Variants in GPRASP3 observed in about 807,000 individuals in gnomAD.
The protein encoded by GPRASP3 is G protein-coupled receptor associated sorting protein 3.
At chrX:102,722,437 G>T in the GPRASP3 span, among the ~76,000 whole-genome samples, 1 of 112,323 alleles carries the variant, frequency 8.9e-6, no homozygotes, top group African/African-American at 3.2e-5. Flanking sequence ...CACCAACCTG[G>T]AACCTCTCAG....
At chrX:102,748,894 A>G in the GPRASP3 span, 2 of 881,688 alleles carry the variant, frequency 2.3e-6, no homozygotes, top group Admixed American at 3.2e-5. Context: ...TCTTGCTACC[A>G]AGTTTTTCCC....
chrX:102,725,966 G>A, the GPRASP3 span, among the ~76,000 whole-genome samples: 1 of 112,196 alleles, frequency 8.9e-6, no homozygotes, highest in Non-Finnish European at 1.9e-5. Flanking sequence ...TTGGACTCTG[G>A]AAGTGTGATT....
chrX:102,748,750 C>G, the GPRASP3 span: 1 of 297,752 alleles, frequency 3.4e-6, no homozygotes, highest in African/African-American at 2.6e-5. Flanking sequence ...AAGACCATCA[C>G]CTTCAGCAGG....
At chrX:102,733,983 C>T in the GPRASP3 span, among the ~76,000 whole-genome samples, 3 of 107,648 alleles carry the variant, frequency 2.8e-5, no homozygotes, top group East Asian at 2.9e-4. Context: ...CTGGCAGGGG[C>T]GGGGGTTACA....
At chrX:102,731,362 G>A in the GPRASP3 span, among the ~76,000 whole-genome samples, 4 of 112,404 alleles carry the variant, frequency 3.6e-5, no homozygotes, top group African/African-American at 1.3e-4. Context: ...AGTGGCTCAC[G>A]CCTGTAATCC....
At chrX:102,746,450 G>A in the GPRASP3 span, among the ~76,000 whole-genome samples, 3 of 112,700 alleles carry the variant, frequency 2.7e-5, no homozygotes, top group Non-Finnish European at 3.8e-5. Context: ...GCAGGCGCCG[G>A]CGCCCCGCCC....
chrX:102,736,882 G>A, the GPRASP3 span, among the ~76,000 whole-genome samples: 1 of 112,126 alleles, frequency 8.9e-6, no homozygotes, highest in Non-Finnish European at 1.9e-5. Flanking sequence ...AACAGGTAAC[G>A]CAATGCAAAC....
chrX:102,747,039 T>G, the GPRASP3 span, among the ~76,000 whole-genome samples: 2 of 111,879 alleles, frequency 1.8e-5, no homozygotes, highest in African/African-American at 6.5e-5. Flanking sequence ...GAAGGGTCAA[T>G]TTAGAACATT....
At chrX:102,730,307 A>G in the GPRASP3 span, among the ~76,000 whole-genome samples, 1 of 111,749 alleles carries the variant, frequency 8.9e-6, no homozygotes, top group African/African-American at 3.3e-5. Context: ...TCAGGCGGCA[A>G]TGAAAGTGAT....
At chrX:102,739,731 G>A in the GPRASP3 span, among the ~76,000 whole-genome samples, 1 of 111,753 alleles carries the variant, frequency 8.9e-6, no homozygotes, top group Non-Finnish European at 1.9e-5. Context: ...ATGATGAGTT[G>A]TAAGAAACCG....
chrX:102,744,973 G>A, the GPRASP3 span, among the ~76,000 whole-genome samples: 1 of 111,489 alleles, frequency 9.0e-6, no homozygotes, highest in African/African-American at 3.3e-5. Flanking sequence ...ACTCCCCATC[G>A]CTTGGAAGGG....
chrX:102,750,204 A>G, the GPRASP3 span: 3 of 1,204,873 alleles, frequency 2.5e-6, no homozygotes, highest in South Asian at 3.6e-5. Context: ...AAATTGAATT[A>G]CATGTTAAGC....
chrX:102,730,804 A>G, the GPRASP3 span, among the ~76,000 whole-genome samples: 10 of 110,430 alleles, frequency 9.1e-5, no homozygotes, highest in Admixed American at 8.6e-4. Context: ...TTTTATCTGT[A>G]GCTATCTGCT....
At chrX:102,738,149 AT>A in the GPRASP3 span, among the ~76,000 whole-genome samples, 5 of 111,860 alleles carry the variant, frequency 4.5e-5, no homozygotes, top group Non-Finnish European at 9.4e-5. Flanking sequence ...GGAAATTAAA[AT>A]TTTCCCAGTT....
the GPRASP3 span, chrX:102,749,810 G>A: frequency 8.3e-6 from 10 of 1,209,142 alleles, 1 homozygote; most frequent in Admixed American, 8.8e-5. Context: ...AGGAACACTC[G>A]CTCATGCTCA....
the GPRASP3 span, among the ~76,000 whole-genome samples, chrX:102,722,536 C>G: frequency 8.9e-6 from 1 of 112,124 alleles, no homozygotes; most frequent in East Asian, 2.8e-4. Flanking sequence ...TTCAGCCCCT[C>G]TCTTCTCCTT....
the GPRASP3 span, among the ~76,000 whole-genome samples, chrX:102,742,651 C>T: frequency 9.0e-6 from 1 of 111,162 alleles, no homozygotes. Flanking sequence ...CAGGCCTCTG[C>T]AAGTTGTCCT....
the GPRASP3 span, chrX:102,749,809 C>G: frequency 1.7e-6 from 2 of 1,210,888 alleles, no homozygotes; most frequent in Non-Finnish European, 2.2e-6. Flanking sequence ...TAGGAACACT[C>G]GCTCATGCTC....
chrX:102,728,569 CTTTTTTTTTTT>C, the GPRASP3 span, among the ~76,000 whole-genome samples: 3 of 61,784 alleles, frequency 4.9e-5, no homozygotes, highest in Non-Finnish European at 8.6e-5. Flanking sequence ...ATGTGCACTG[CTTTTTTTTTTT>C]TTTTTTTTTT....
Sources: allele counts gnomAD v4.1 joint callset (sites outside exome capture counted in the v4.1 genomes callset), GRCh38; gene constraint gnomAD v4.1.1; transcripts MANE v1.5; gene names NCBI Gene and HGNC (gene_info 2026-07-23, HGNC 2026-07-21).